Variants in MKLN1 observed in about 807,000 individuals in gnomAD.
MKLN1 encodes the protein muskelin.
MKLN1 carries 18 observed loss-of-function variants against 99.0 expected under a neutral mutation model. That is an observed-to-expected ratio of 0.18 (90% CI 0.13 to 0.27). The LOEUF (loss-of-function observed/expected upper bound fraction) is 0.27, where lower values mean the gene tolerates loss of function less well. Ranked by LOEUF, MKLN1 falls within the 10% of genes least tolerant of loss-of-function variation. The pLI, the probability that MKLN1 is intolerant of heterozygous loss-of-function variation, is 1.00. For synonymous variants in MKLN1, 288 were observed against 293.2 expected, an observed-to-expected ratio of 0.98 and a Z score of 0.18; for missense variants, 621 against 875.9, an observed-to-expected ratio of 0.71 and a Z score of 3.67.
intron 3 of MKLN1, among the ~76,000 whole-genome samples, chr7:131,303,512 TCAAA>T (rs1798408388): frequency 6.6e-6 from 1 of 152,192 alleles, no homozygotes; most frequent in Non-Finnish European, 1.5e-5. Context: ...AGAAATAATC[TCAAA>T]CAATGACAAA....
chr7:131,342,135 A>G (rs1799425093), intron 1 of MKLN1, among the ~76,000 whole-genome samples: 1 of 150,894 alleles, frequency 6.6e-6, no homozygotes, highest in Non-Finnish European at 1.5e-5. Flanking sequence ...GTTATTGGAG[A>G]AACTGCCAGA....
At chr7:131,417,810 A>C (rs1338930779) in intron 8 of MKLN1, among the ~76,000 whole-genome samples, 1 of 152,242 alleles carries the variant, frequency 6.6e-6, no homozygotes, top group Non-Finnish European at 1.5e-5. Context: ...AGAAGGACAC[A>C]TACCAAAATA....
chr7:131,244,623 C>A (rs73491166), intron 3 of MKLN1, among the ~76,000 whole-genome samples: 3,055 of 152,206 alleles, frequency 0.02, 89 homozygotes, highest in African/African-American at 0.07. Flanking sequence ...ATGGTCTGCT[C>A]AGTAAAGTGG....
intron 12 of MKLN1, among the ~76,000 whole-genome samples, chr7:131,450,142 T>G (rs879269532): frequency 8.5e-5 from 13 of 152,178 alleles, no homozygotes; most frequent in African/African-American, 2.9e-4. Flanking sequence ...GGCCTCTGTC[T>G]CTAGACTTCC....
At chr7:131,296,236 A>C (rs1392364559) in intron 3 of MKLN1, among the ~76,000 whole-genome samples, 1 of 152,206 alleles carries the variant, frequency 6.6e-6, no homozygotes, top group East Asian at 1.9e-4. Context: ...TAATAGTGTA[A>C]GTAGAAATGA....
At chr7:131,388,834 A>C in intron 3 of MKLN1, 50 bp from the exon 4 acceptor site, 1 of 1,224,716 alleles carries the variant, frequency 8.2e-7, no homozygotes, top group Non-Finnish European at 1.2e-6. Flanking sequence ...GTTCTAGTGC[A>C]TTTACTAAAT....
intron 16 of MKLN1, chr7:131,471,828 T>A (rs1461818564): frequency 6.6e-6 from 1 of 152,226 alleles, no homozygotes; most frequent in Non-Finnish European, 1.5e-5. Flanking sequence ...GGTGTCAGAT[T>A]TAATGTTGAA....
intron 2 of MKLN1, among the ~76,000 whole-genome samples, chr7:131,185,841 T>C (rs1796442094): frequency 6.6e-6 from 1 of 152,190 alleles, no homozygotes; most frequent in Non-Finnish European, 1.5e-5. Context: ...GAACATGGCC[T>C]AGCACGTATT....
At chr7:131,451,363 T>C (rs1796171792) in intron 12 of MKLN1, among the ~76,000 whole-genome samples, 1 of 152,162 alleles carries the variant, frequency 6.6e-6, no homozygotes, top group Non-Finnish European at 1.5e-5. Context: ...ATTAAAATTA[T>C]ATTTACAATG....
rs1022013172 is a variant in MKLN1, at chr7:131,489,784, TTTTCCCTAAATG to T, written c.*2065_*2076del. ...TTGACCTCAGTAATTTTATTTTTGTTTTTCCCTAAATGTTTCCCTACTAGTCTTTTTGGAAAA... is the reference window on the plus strand; with the variant it reads ...TTGACCTCAGTAATTTTATTTTTGTTTTTCCCTACTAGTCTTTTTGGAAAA... On this transcript the variant is annotated 3_prime_UTR_variant, in exon 18 of 18. Coordinates refer to ENST00000352689, the MANE Select transcript of MKLN1 (RefSeq NM_013255.5). 1 of 152,174 alleles carries T rather than the reference TTTTCCCTAAATG, an allele frequency of 6.6e-6. No homozygotes were observed. Among genetic ancestry groups the T allele is most frequent in the African/African-American group, 2.4e-5 (1 of 41,446 alleles). The allele number at this position is 152,174 out of a possible 1,614,324, so 9.4% of individuals were successfully genotyped here. A position where few individuals can be genotyped will look rare whatever the true frequency, so the allele number is the denominator to read the frequency against.
intron 1 of MKLN1, among the ~76,000 whole-genome samples, chr7:131,125,571 G>A (rs1359255883): frequency 1.3e-5 from 2 of 152,082 alleles, no homozygotes; most frequent in African/African-American, 2.4e-5. Context: ...GAAAAGACGA[G>A]CATCCAAAAA....
At chr7:131,400,430 G>A (rs1426667005) in intron 6 of MKLN1, among the ~76,000 whole-genome samples, 3 of 150,502 alleles carry the variant, frequency 2.0e-5, no homozygotes, top group Non-Finnish European at 4.4e-5. Flanking sequence ...TAAATGATAG[G>A]TATGTTTGAA....
intron 11 of MKLN1, among the ~76,000 whole-genome samples, chr7:131,444,442 CTT>C (rs886625696): frequency 1.3e-5 from 2 of 151,958 alleles, no homozygotes; most frequent in African/African-American, 4.8e-5. Context: ...AAATTTTTCT[CTT>C]TGGCTAGTAG....
intron 1 of MKLN1, among the ~76,000 whole-genome samples, chr7:131,353,903 T>TAAAA (rs35581656): frequency 8.8e-6 from 1 of 113,712 alleles, no homozygotes; most frequent in Non-Finnish European, 1.8e-5. Flanking sequence ...TGTACCTTTG[T>TAAAA]AAAAAAAAAA....
intron 1 of MKLN1, among the ~76,000 whole-genome samples, chr7:131,121,084 C>A (rs1191190807): frequency 1.3e-5 from 2 of 152,112 alleles, no homozygotes; most frequent in African/African-American, 2.4e-5. Flanking sequence ...AGGAAACTTA[C>A]AATAATGGAG....
At chr7:131,353,151 G>T (rs145019513) in intron 1 of MKLN1, among the ~76,000 whole-genome samples, 2 of 152,236 alleles carry the variant, frequency 1.3e-5, no homozygotes, top group East Asian at 3.9e-4. Context: ...CCAATTGCTG[G>T]ATTGTAGTGG....
At chr7:131,223,941 A>G (rs1205975972) in intron 3 of MKLN1, among the ~76,000 whole-genome samples, 1 of 151,812 alleles carries the variant, frequency 6.6e-6, no homozygotes, top group Non-Finnish European at 1.5e-5. Context: ...TAATTTTTGT[A>G]TTTTTAATAG....
At chr7:131,393,850 T>C (rs899747314) in intron 4 of MKLN1, among the ~76,000 whole-genome samples, 3 of 152,120 alleles carry the variant, frequency 2.0e-5, no homozygotes, top group Non-Finnish European at 4.4e-5. Flanking sequence ...GGTCTTGAAC[T>C]CCTGGGCTCA....
intron 1 of MKLN1, among the ~76,000 whole-genome samples, chr7:131,115,871 C>A (rs1433051726): frequency 6.6e-6 from 1 of 152,218 alleles, no homozygotes; most frequent in Non-Finnish European, 1.5e-5. Flanking sequence ...GTCCTTCTCT[C>A]TCCACGTTTC....
Sources: gnomAD v4.1 joint callset for allele counts (sites outside exome capture counted in the v4.1 genomes callset) on GRCh38, gnomAD v4.1.1 for gene constraint, MANE v1.5 for transcripts, NCBI Gene and HGNC (gene_info 2026-07-23, HGNC 2026-07-21) for gene names.